The following KCNT2 variants were observed in gnomAD, a reference collection of about 807,000 sequenced individuals.
The protein encoded by KCNT2 is potassium sodium-activated channel subfamily T member 2.
Under a neutral mutation model 153.8 loss-of-function variants are expected in KCNT2, and 67 were observed. The observed-to-expected ratio is 0.44, with a 90% CI of 0.36 to 0.53. KCNT2 has a LOEUF of 0.53. Among genes scored for constraint, KCNT2 ranks in the 20% least tolerant of loss-of-function variants. The pLI is 0.00. For synonymous variants in KCNT2, 500 were observed against 458.8 expected (o/e 1.09, Z -1.15); for missense variants, 975 against 1,354.8 (o/e 0.72, Z 4.40).
chr1:196,359,631 A>C (rs1667458012), intron 14 of KCNT2, among the ~76,000 whole-genome samples: 1 of 152,052 alleles, frequency 6.6e-6, no homozygotes, highest in Admixed American at 6.6e-5. Flanking sequence ...CCTCATAAGT[A>C]AAGAAAAAAA....
intron 26 of KCNT2, among the ~76,000 whole-genome samples, chr1:196,238,453 A>G (rs1039053154): frequency 6.6e-6 from 1 of 151,998 alleles, no homozygotes; most frequent in Non-Finnish European, 1.5e-5. Flanking sequence ...GCTTATCAAG[A>G]CGTAGAAAGC....
chr1:196,257,702 A>T, intron 26 of KCNT2: 1 of 983,154 alleles, frequency 1.0e-6, no homozygotes, highest in Non-Finnish European at 1.2e-6. Context: ...TATGAGATAA[A>T]GCAGTATTTG....
intron 1 of KCNT2, among the ~76,000 whole-genome samples, chr1:196,575,277 AT>A (rs1331691478): frequency 1.3e-5 from 2 of 152,166 alleles, no homozygotes; most frequent in African/African-American, 4.8e-5. Context: ...TGTATCTAGC[AT>A]CATTCATTTG....
At chr1:196,274,699 C>A (rs568641878) in intron 25 of KCNT2, among the ~76,000 whole-genome samples, 2 of 151,850 alleles carry the variant, frequency 1.3e-5, no homozygotes, top group East Asian at 3.9e-4. Flanking sequence ...ATAAAAGTGG[C>A]CAAAATTCAG....
chr1:196,468,977 G>T lies in KCNT2; in HGVS notation c.459+17C>A, dbSNP rs756008885. The T allele has an allele frequency of 5.3e-6, 8 of 1,516,538 alleles. No homozygotes were observed. Among genetic ancestry groups the T allele is most frequent in the South Asian group, 1.2e-5 (1 of 85,926 alleles). The allele number at this position is 1,516,538 out of a possible 1,614,324, so 93.9% of individuals were successfully genotyped here. ...CTAATTACAAAAGTGTTTTTTTAAG[G>T]TTCTTTTAGGACTTACTGAGATAAT... On this transcript the variant is annotated intron_variant, in intron 6 of 27. Transcript: ENST00000294725.
At chr1:196,600,072 T>C (rs1664544809) in intron 1 of KCNT2, among the ~76,000 whole-genome samples, 1 of 152,222 alleles carries the variant, frequency 6.6e-6, no homozygotes, top group African/African-American at 2.4e-5. Flanking sequence ...AGACTTTATG[T>C]ATGAGTCAGC....
intron 5 of KCNT2, among the ~76,000 whole-genome samples, chr1:196,472,913 T>C (rs2148678969): frequency 6.6e-6 from 1 of 152,260 alleles, no homozygotes; most frequent in South Asian, 2.1e-4. Context: ...CCTGCACCTT[T>C]ACGCCAGACC....
At chr1:196,452,109 T>C (rs572829080) in intron 8 of KCNT2, among the ~76,000 whole-genome samples, 18 of 152,030 alleles carry the variant, frequency 1.2e-4, no homozygotes, top group Non-Finnish European at 1.6e-4. Context: ...CCTTGCTTTC[T>C]ATAAAGATGC....
chr1:196,424,645 C>T (rs962884559), intron 11 of KCNT2, among the ~76,000 whole-genome samples: 6 of 151,584 alleles, frequency 4.0e-5, no homozygotes, highest in African/African-American at 1.2e-4. Flanking sequence ...AGATAACACT[C>T]ATTATATCCT....
intron 4 of KCNT2, among the ~76,000 whole-genome samples, 164 bp from the exon 5 acceptor site, chr1:196,479,402 G>A (rs574195841): frequency 5.9e-5 from 9 of 152,092 alleles, no homozygotes; most frequent in African/African-American, 2.2e-4. Context: ...CAGATGACAG[G>A]CTGCTGGCCA....
At chr1:196,284,141 G>T (rs1659397258) in intron 23 of KCNT2, among the ~76,000 whole-genome samples, 1 of 145,156 alleles carries the variant, frequency 6.9e-6, no homozygotes, top group African/African-American at 2.5e-5. Context: ...TGAGGCAGGA[G>T]AATTGCATGA....
intron 8 of KCNT2, among the ~76,000 whole-genome samples, chr1:196,451,907 G>T (rs1279099204): frequency 6.6e-6 from 1 of 151,856 alleles, no homozygotes; most frequent in Admixed American, 6.6e-5. Flanking sequence ...ATTTTGGAAT[G>T]CTATTACACT....
chr1:196,236,666 T>C (rs1654470623), intron 26 of KCNT2, among the ~76,000 whole-genome samples: 1 of 151,586 alleles, frequency 6.6e-6, no homozygotes, highest in Non-Finnish European at 1.5e-5. Flanking sequence ...AGTGTACTCC[T>C]GAATCATTTG....
intron 27 of KCNT2, among the ~76,000 whole-genome samples, chr1:196,233,932 G>C (rs140180967): frequency 4.0e-5 from 6 of 151,164 alleles, no homozygotes; most frequent in Non-Finnish European, 7.4e-5. Context: ...GAGAGAAACT[G>C]GTTTATTAGT....
At chr1:196,247,477 T>G (rs1275107714) in intron 26 of KCNT2, among the ~76,000 whole-genome samples, 1 of 152,154 alleles carries the variant, frequency 6.6e-6, no homozygotes, top group East Asian at 1.9e-4. Context: ...GTTCTCACAC[T>G]GCTATGAAGA....
chr1:196,573,292 A>T (rs971745638), intron 1 of KCNT2, among the ~76,000 whole-genome samples: 2 of 152,070 alleles, frequency 1.3e-5, no homozygotes, highest in Non-Finnish European at 2.9e-5. Flanking sequence ...TAACTCATAA[A>T]GATATTTGTG....
chr1:196,314,571 T>C (rs1338917007), intron 21 of KCNT2, among the ~76,000 whole-genome samples: 2 of 151,708 alleles, frequency 1.3e-5, no homozygotes, highest in Non-Finnish European at 3.0e-5. Context: ...CTTATGCAAA[T>C]TCAGTGTAGA....
chr1:196,503,430 T>A (rs1044764101), intron 1 of KCNT2, among the ~76,000 whole-genome samples: 2 of 152,188 alleles, frequency 1.3e-5, no homozygotes, highest in Non-Finnish European at 2.9e-5. Flanking sequence ...ACCTAATAGC[T>A]TGCCAATCAA....
rs1674672397 is a variant in KCNT2 at position 196,436,536 on chromosome 1, C to A, written c.639-6779G>T. On this transcript the variant is annotated intron_variant, in intron 8 of 27. Transcript: ENST00000294725. Reference sequence around the variant, plus strand: ...AGTTATTTTACTTAGATCTGTGAATCTTAAAACATGCTACGTAAAGATTTG... The same window carrying A: ...AGTTATTTTACTTAGATCTGTGAATATTAAAACATGCTACGTAAAGATTTG... 2.0e-5 allele frequency among the ~76,000 whole-genome samples: 3 copies of A among 151,410 alleles called. No individual in the cohort carries two copies. The South Asian group carries it at 6.2e-4, about 31-fold the overall frequency.
Sources: gnomAD v4.1 joint callset for allele counts (sites outside exome capture counted in the v4.1 genomes callset) on GRCh38, gnomAD v4.1.1 for gene constraint, MANE v1.5 for transcripts, NCBI Gene and HGNC (gene_info 2026-07-23, HGNC 2026-07-21) for gene names.